Variants in ADARB2 observed in about 807,000 individuals in gnomAD.
ADARB2 encodes the protein adenosine deaminase RNA specific B2 (inactive).
In ADARB2, 25 loss-of-function variants were observed where a neutral mutation model predicts 62.2. The ratio of observed to expected loss-of-function variants is 0.40; its 90% CI spans 0.29 to 0.56. The LOEUF is 0.56. Ranked by LOEUF, ADARB2 falls within the 20% of genes least tolerant of loss-of-function variation. The pLI is 0.43. For synonymous variants in ADARB2, 572 were observed against 500.8 expected (o/e 1.14, Z -1.90); for missense variants, 1,071 against 1,077.4 (o/e 0.99, Z 0.08).
At chr10:1,711,880 G>T (rs1014463305) in intron 1 of ADARB2, among the ~76,000 whole-genome samples, 2 of 152,146 alleles carry the variant, frequency 1.3e-5, no homozygotes, top group African/African-American at 4.8e-5. Flanking sequence ...TCTCATAGCT[G>T]CCTAGAATTT....
At chr10:1,355,149 A>G (rs917827052) in intron 3 of ADARB2, among the ~76,000 whole-genome samples, 3 of 151,682 alleles carry the variant, frequency 2.0e-5, no homozygotes, top group South Asian at 2.1e-4. Flanking sequence ...CTTTCAATCA[A>G]CTCTTCCCTG....
chr10:1,569,605 G>T (rs1832908792), intron 1 of ADARB2, among the ~76,000 whole-genome samples: 1 of 152,208 alleles, frequency 6.6e-6, no homozygotes, highest in Non-Finnish European at 1.5e-5. Flanking sequence ...GCCTTTGGAA[G>T]TAAGCATTTC....
At chr10:1,299,832 T>C (rs1276712881) in intron 3 of ADARB2, among the ~76,000 whole-genome samples, 1 of 152,222 alleles carries the variant, frequency 6.6e-6, no homozygotes, top group Non-Finnish European at 1.5e-5. Flanking sequence ...TCCCCTGTGC[T>C]TCCGGAGGCC....
At chr10:1,688,695 C>T (rs1330084325) in intron 1 of ADARB2, among the ~76,000 whole-genome samples, 1 of 152,136 alleles carries the variant, frequency 6.6e-6, no homozygotes. Context: ...GGTGATTGCT[C>T]ATTAAACGTA....
chr10:1,592,377 A>AGATTCACTCACCCAAGCCAC, intron 1 of ADARB2, among the ~76,000 whole-genome samples: 2 of 96,756 alleles, frequency 2.1e-5, no homozygotes, highest in Admixed American at 9.8e-5. Flanking sequence ...TCTGTCACCC[A>AGATTCACTCACCCAAGCCAC]GCTCCCTTCG....
intron 1 of ADARB2, among the ~76,000 whole-genome samples, chr10:1,530,794 G>C (rs1832223323): frequency 6.6e-6 from 1 of 152,138 alleles, no homozygotes; most frequent in Non-Finnish European, 1.5e-5. Flanking sequence ...TTTGCCTTGA[G>C]GCTTGCTCCC....
At position 1,363,857 on chromosome 10, in the gene ADARB2, G is replaced by A. The variant is rs1429405968; in HGVS notation, c.248C>T (p.Pro83Leu). Residue 83 changes from proline (P) to leucine (L), a missense_variant, in exon 3 of 10, where the codon CCG becomes CTG. Pro to Leu is a moderately conservative substitution (Grantham distance 98). Coordinates refer to ENST00000381312, the MANE Select transcript of ADARB2 (RefSeq NM_018702.4). ...RNVGNLAARP[P>L]PSGDRARGGA... Reference sequence around the variant, plus strand: ...GCCCCGGGCCCGGTCCCCGGAGGGCGGTGGCCGCGCGGCCAGGTTGCCCAC... The same window carrying A: ...GCCCCGGGCCCGGTCCCCGGAGGGCAGTGGCCGCGCGGCCAGGTTGCCCAC... 15 of 1,516,900 alleles carry A rather than the reference G, an allele frequency of 9.9e-6. No individual in the cohort carries two copies. The highest frequency in any genetic ancestry group is 2.8e-5 in the African/African-American group (2 of 71,088). 94.0% of individuals were successfully genotyped at this position (1,516,900 alleles called of 1,614,324 possible).
At chr10:1,485,513 C>G (rs1294667562) in intron 1 of ADARB2, among the ~76,000 whole-genome samples, 1 of 152,122 alleles carries the variant, frequency 6.6e-6, no homozygotes, top group Non-Finnish European at 1.5e-5. Context: ...CAACAACTCT[C>G]ACCCGCCAGT....
intron 1 of ADARB2, among the ~76,000 whole-genome samples, chr10:1,406,773 C>T (rs1201731500): frequency 6.6e-6 from 1 of 152,202 alleles, no homozygotes; most frequent in Non-Finnish European, 1.5e-5. Context: ...CCCTTTCCCC[C>T]ATTGTCAACC....
chr10:1,701,908 C>T (rs1834826555), intron 1 of ADARB2, among the ~76,000 whole-genome samples: 1 of 151,894 alleles, frequency 6.6e-6, no homozygotes, highest in Non-Finnish European at 1.5e-5. Context: ...CTCAATCCCA[C>T]TCCACCGGGA....
intron 1 of ADARB2, among the ~76,000 whole-genome samples, chr10:1,532,654 G>A (rs1166031382): frequency 6.6e-6 from 1 of 152,212 alleles, no homozygotes; most frequent in African/African-American, 2.4e-5. Context: ...GACACCAAGA[G>A]GTCATCACGG....
At chr10:1,444,921 C>G (rs1248224906) in intron 1 of ADARB2, among the ~76,000 whole-genome samples, 1 of 146,538 alleles carries the variant, frequency 6.8e-6, no homozygotes, top group Non-Finnish European at 1.5e-5. Flanking sequence ...CGTCTACATT[C>G]TCCTTCCATC....
intron 1 of ADARB2, among the ~76,000 whole-genome samples, chr10:1,389,457 T>C (rs1832550477): frequency 6.6e-6 from 1 of 152,170 alleles, no homozygotes; most frequent in Non-Finnish European, 1.5e-5. Flanking sequence ...TCTCCACTTA[T>C]AAAAAGTGGG....
chr10:1,553,541 C>A (rs1832659196), intron 1 of ADARB2, among the ~76,000 whole-genome samples: 1 of 152,148 alleles, frequency 6.6e-6, no homozygotes, highest in Non-Finnish European at 1.5e-5. Context: ...TTTGCGCCGT[C>A]GAAAATGGAA....
Position 1,511,438 on chromosome 10 carries a change from G to C in ADARB2, c.101-132278C>G, listed in dbSNP as rs563175469. Among the ~76,000 whole-genome samples the C allele has an allele frequency of 6.1e-4, 93 of 152,218 alleles. 1 individual carries two copies. Among genetic ancestry groups the C allele is most frequent in the Non-Finnish European group, 1.2e-3 (80 of 68,026 alleles). ...AGACATGTGTGGGATGTGCCAAGGG[G>C]AGAGAAGTTACATGGAGAACAGAAA... On this transcript the variant is annotated intron_variant, in intron 1 of 9. Coordinates refer to ENST00000381312, the MANE Select transcript of ADARB2 (RefSeq NM_018702.4).
chr10:1,489,745 A>G (rs1831596448), intron 1 of ADARB2, among the ~76,000 whole-genome samples: 1 of 152,188 alleles, frequency 6.6e-6, no homozygotes, highest in Non-Finnish European at 1.5e-5. Flanking sequence ...TAGAAGAAGA[A>G]TATGTAAGGA....
At chr10:1,318,988 C>T (rs146343909) in intron 3 of ADARB2, among the ~76,000 whole-genome samples, 1 of 152,176 alleles carries the variant, frequency 6.6e-6, no homozygotes, top group Non-Finnish European at 1.5e-5. Flanking sequence ...CTTATAACTC[C>T]ATCCAAAATC....
intron 8 of ADARB2, among the ~76,000 whole-genome samples, chr10:1,190,971 C>T (rs558529775): frequency 2.6e-5 from 4 of 152,220 alleles, no homozygotes; most frequent in African/African-American, 4.8e-5. Context: ...GGCAGCCCCA[C>T]GCTCTGGGCC....
chr10:1,507,395 C>T (rs1343563833), intron 1 of ADARB2, among the ~76,000 whole-genome samples: 1 of 152,236 alleles, frequency 6.6e-6, no homozygotes, highest in Non-Finnish European at 1.5e-5. Context: ...TGCACCTGCC[C>T]CCTTCACCAG....
Sources: gnomAD v4.1 joint callset for allele counts (sites outside exome capture counted in the v4.1 genomes callset) on GRCh38, gnomAD v4.1.1 for gene constraint, MANE v1.5 for transcripts, NCBI Gene and HGNC (gene_info 2026-07-23, HGNC 2026-07-21) for gene names.